Variants in DLGAP1 observed in about 807,000 individuals in gnomAD.
The protein encoded by DLGAP1 is DLG associated protein 1.
DLGAP1 carries 11 observed loss-of-function variants against 90.8 expected under a neutral mutation model. That is an observed-to-expected ratio of 0.12 (90% CI 0.08 to 0.20). The LOEUF is 0.20. Ranked by LOEUF, DLGAP1 falls within the 10% of genes least tolerant of loss-of-function variation. DLGAP1 has a pLI of 1.00. For synonymous variants in DLGAP1, 558 were observed against 540.7 expected, an observed-to-expected ratio of 1.03 and a Z score of -0.44; for missense variants, 1,050 against 1,333.8, an observed-to-expected ratio of 0.79 and a Z score of 3.31.
intron 9 of DLGAP1, among the ~76,000 whole-genome samples, chr18:3,550,117 T>C (rs1568176536): frequency 1.3e-5 from 2 of 152,000 alleles, no homozygotes; most frequent in East Asian, 3.9e-4. Context: ...TTTCACCATG[T>C]TGGCCAGGCT....
chr18:4,317,335 T>C (rs1393521275), intron 1 of DLGAP1, among the ~76,000 whole-genome samples: 23 of 152,192 alleles, frequency 1.5e-4, no homozygotes. Context: ...TTCTGCTCAC[T>C]GAGCTGGACT....
At chr18:4,343,997 G>A (rs1466493040) in intron 1 of DLGAP1, among the ~76,000 whole-genome samples, 1 of 152,170 alleles carries the variant, frequency 6.6e-6, no homozygotes, top group African/African-American at 2.4e-5. Flanking sequence ...AAATGATGAT[G>A]ATGAATTGTG....
At chr18:3,857,847 C>T (rs956952803) in intron 4 of DLGAP1, among the ~76,000 whole-genome samples, 2 of 152,176 alleles carry the variant, frequency 1.3e-5, no homozygotes, top group Non-Finnish European at 2.9e-5. Context: ...ACTGCACAAT[C>T]ATAAATCCAG....
At chr18:3,799,348 G>A (rs188865441) in intron 5 of DLGAP1, among the ~76,000 whole-genome samples, 2 of 152,122 alleles carry the variant, frequency 1.3e-5, no homozygotes, top group East Asian at 3.9e-4. Flanking sequence ...GAAAGGGAGA[G>A]GGAAGAAGAG....
chr18:3,972,280 G>A (rs2073466028), intron 3 of DLGAP1, among the ~76,000 whole-genome samples: 2 of 152,136 alleles, frequency 1.3e-5, no homozygotes, highest in African/African-American at 4.8e-5. Flanking sequence ...TGGAGGCCAA[G>A]GTTGGAGGAT....
intron 7 of DLGAP1, among the ~76,000 whole-genome samples, chr18:3,618,602 CT>C (rs1480365177): frequency 6.7e-6 from 1 of 149,086 alleles, no homozygotes; most frequent in African/African-American, 2.5e-5. Context: ...CTTCTTTGAC[CT>C]TTTCTGCCTT....
chr18:3,958,290 C>T (rs1381436446), intron 3 of DLGAP1, among the ~76,000 whole-genome samples: 1 of 151,816 alleles, frequency 6.6e-6, no homozygotes, highest in African/African-American at 2.4e-5. Context: ...GCTGGGATTA[C>T]AGGTGTGAGC....
chr18:3,891,804 C>G lies in DLGAP1; in HGVS notation c.-72-11664G>C, dbSNP rs184432419. The G allele has an allele frequency of 3.9e-5, 6 of 152,108 alleles. No homozygotes were observed. In the East Asian group the frequency reaches 9.7e-4, roughly 25 times the overall value. The allele number at this position is 152,108 out of a possible 1,614,324, so 9.4% of individuals were successfully genotyped here. ...TTTTTTTTAGAGAGAAGATCTCACT[C>G]TGATGCCCAGGATTATAGCTCACTG... On this transcript the variant is annotated intron_variant, in intron 3 of 12. Coordinates refer to ENST00000315677, the MANE Select transcript of DLGAP1 (RefSeq NM_004746.4).
chr18:4,209,845 G>A (rs1406582258), intron 1 of DLGAP1, among the ~76,000 whole-genome samples: 1 of 152,152 alleles, frequency 6.6e-6, no homozygotes, highest in African/African-American at 2.4e-5. Context: ...AGGCATAGCA[G>A]AAATAATAGA....
At chr18:4,082,870 A>C (rs1429635582) in intron 2 of DLGAP1, among the ~76,000 whole-genome samples, 2 of 151,806 alleles carry the variant, frequency 1.3e-5, no homozygotes, top group Non-Finnish European at 2.9e-5. Flanking sequence ...ATGGGGCCCC[A>C]TGTGTTTGCT....
chr18:3,811,201 T>C (rs747970718), intron 5 of DLGAP1, among the ~76,000 whole-genome samples: 2 of 152,106 alleles, frequency 1.3e-5, no homozygotes, highest in African/African-American at 4.8e-5. Flanking sequence ...ACTCATAAAA[T>C]AGGTGAGTGT....
intron 9 of DLGAP1, among the ~76,000 whole-genome samples, chr18:3,546,049 A>T (rs1289459152): frequency 1.3e-5 from 2 of 152,232 alleles, no homozygotes; most frequent in South Asian, 2.1e-4. Flanking sequence ...ATAATAGATT[A>T]AAAAACATCT....
At chr18:4,409,741 T>TCTATTC (rs1378905063) in intron 1 of DLGAP1, among the ~76,000 whole-genome samples, 1 of 152,166 alleles carries the variant, frequency 6.6e-6, no homozygotes, top group Non-Finnish European at 1.5e-5. Context: ...ATTCATGTTC[T>TCTATTC]TAGCCCAGTT....
At chr18:3,617,611 T>C (rs1675249) in intron 7 of DLGAP1, among the ~76,000 whole-genome samples, 98,932 of 147,748 alleles carry the variant, frequency 0.67, 34,163 homozygotes, top group African/African-American at 0.84. Context: ...AAAAAAATTG[T>C]TGAAAACTGC....
intron 1 of DLGAP1, among the ~76,000 whole-genome samples, chr18:4,385,947 T>G (rs67970142): frequency 0.067 from 10,244 of 152,166 alleles, 421 homozygotes; most frequent in African/African-American, 0.12. Flanking sequence ...TGAAAGCTTT[T>G]CAAGCACAGA....
rs1157416255 is a variant in DLGAP1, at chr18:3,989,308, G to A, written c.-73+15808C>T. 1.4e-4 allele frequency among the ~76,000 whole-genome samples: 21 copies of A among 152,224 alleles called. 1 individual carries two copies. The highest frequency in any genetic ancestry group is 1.4e-3 in the Admixed American group (21 of 15,274). On this transcript the variant is annotated intron_variant, in intron 3 of 12. Coordinates refer to ENST00000315677, the MANE Select transcript of DLGAP1 (RefSeq NM_004746.4). ...CTGAGGGTTCCTGTGTTTTAATAAA[G>A]TGGCAAAGCACAGGAGAGAGGGATT...
At chr18:4,385,322 G>A (rs2082208093) in intron 1 of DLGAP1, among the ~76,000 whole-genome samples, 1 of 152,144 alleles carries the variant, frequency 6.6e-6, no homozygotes, top group South Asian at 2.1e-4. Flanking sequence ...AATTATTTGA[G>A]ATCATAGCTA....
intron 7 of DLGAP1, among the ~76,000 whole-genome samples, chr18:3,605,133 G>A (rs2057269088): frequency 1.3e-5 from 2 of 152,148 alleles, no homozygotes; most frequent in African/African-American, 4.8e-5. Flanking sequence ...CCCTTTTCAG[G>A]TCTCAGAATT....
intron 3 of DLGAP1, among the ~76,000 whole-genome samples, chr18:3,970,532 G>A (rs1271231341): frequency 2.6e-5 from 4 of 152,158 alleles, no homozygotes; most frequent in Non-Finnish European, 5.9e-5. Flanking sequence ...ATATATAATA[G>A]AAATGTGTGG....
Sources: gnomAD v4.1 joint callset for allele counts (sites outside exome capture counted in the v4.1 genomes callset) on GRCh38, gnomAD v4.1.1 for gene constraint, MANE v1.5 for transcripts, NCBI Gene and HGNC (gene_info 2026-07-23, HGNC 2026-07-21) for gene names.